Variants in CDCP1 observed in about 807,000 individuals in gnomAD.
The protein encoded by CDCP1 is CUB domain containing protein 1.
CDCP1 carries 29 observed loss-of-function variants against 60.2 expected under a neutral mutation model. The observed-to-expected ratio is 0.48, with a 90% CI of 0.36 to 0.66. CDCP1 has a LOEUF of 0.66. CDCP1 is among the 30% of genes least tolerant of loss of function. The probability of loss-of-function intolerance (pLI) is 0.00; values close to 1 mark genes in which losing one functional copy is unlikely to be tolerated. For missense variants in CDCP1, 876 were observed against 1,074.3 expected, an observed-to-expected ratio of 0.82 and a Z score of 2.58; for synonymous variants, 387 against 431.1, an observed-to-expected ratio of 0.90 and a Z score of 1.27.
chr3:45,129,352 G>C (rs1260257569), intron 1 of CDCP1, among the ~76,000 whole-genome samples: 1 of 152,160 alleles, frequency 6.6e-6, no homozygotes, highest in African/African-American at 2.4e-5. Context: ...ACACCGTATC[G>C]GTGAAGGAAT....
chr3:45,083,925 GAAAAAGAAAAAGAAA>G lies in CDCP1; in HGVS notation c.*1698_*1712del, dbSNP rs1698143892. The G allele has an allele frequency of 1.3e-5, 2 of 149,660 alleles. No individual in the cohort carries two copies. 9.3% of individuals were successfully genotyped at this position (149,660 alleles called of 1,614,324 possible). ...TCCTGTCTCACATTAAAAAAAAAAA[GAAAAAGAAAAAGAAA>G]AAAAAGAAAAAGGGTAATGTGAGCA... On this transcript the variant is annotated 3_prime_UTR_variant, in exon 9 of 9. Coordinates refer to ENST00000296129, the MANE Select transcript of CDCP1 (RefSeq NM_022842.5).
intron 5 of CDCP1, among the ~76,000 whole-genome samples, chr3:45,094,442 G>A (rs1698360783): frequency 2.0e-5 from 3 of 152,104 alleles, no homozygotes; most frequent in Non-Finnish European, 4.4e-5. Flanking sequence ...GGGCAGACAT[G>A]TTGGCAGACC....
At chr3:45,124,016 C>T (rs1576110218) in intron 1 of CDCP1, among the ~76,000 whole-genome samples, 2 of 152,306 alleles carry the variant, frequency 1.3e-5, no homozygotes, top group Admixed American at 1.3e-4. Flanking sequence ...CTCCTGCCTC[C>T]TGACCTCTCC....
intron 4 of CDCP1, chr3:45,110,097 T>G: frequency 1.7e-6 from 1 of 603,480 alleles, no homozygotes; most frequent in Non-Finnish European, 2.2e-6. Flanking sequence ...GTGTCCATAG[T>G]AGGGGTGCTG....
intron 4 of CDCP1, among the ~76,000 whole-genome samples, chr3:45,105,314 G>T (rs532347161): frequency 1.6e-4 from 25 of 152,168 alleles, no homozygotes; most frequent in Admixed American, 1.6e-3. Context: ...ACAAATTTAA[G>T]ACTCATGGAA....
chr3:45,138,620 G>A (rs1047138109), intron 1 of CDCP1, among the ~76,000 whole-genome samples: 23 of 152,168 alleles, frequency 1.5e-4, no homozygotes, highest in African/African-American at 4.3e-4. Flanking sequence ...AGGCCGAGGC[G>A]GGTGGATCAC....
intron 4 of CDCP1, among the ~76,000 whole-genome samples, chr3:45,098,808 T>C (rs973152166): frequency 2.6e-5 from 4 of 152,268 alleles, no homozygotes; most frequent in African/African-American, 9.6e-5. Flanking sequence ...CCTTTCTGCA[T>C]AAAATTTTGT....
At chr3:45,119,603 C>A (rs934719837) in intron 1 of CDCP1, among the ~76,000 whole-genome samples, 3 of 152,182 alleles carry the variant, frequency 2.0e-5, no homozygotes, top group African/African-American at 7.2e-5. Context: ...TGCTGGCACA[C>A]AAATGGTGCT....
intron 1 of CDCP1, among the ~76,000 whole-genome samples, chr3:45,122,308 T>C (rs1382588327): frequency 3.9e-5 from 6 of 152,020 alleles, no homozygotes; most frequent in Non-Finnish European, 8.8e-5. Context: ...CACGCTCAGC[T>C]AATTTTTGTA....
intron 1 of CDCP1, among the ~76,000 whole-genome samples, chr3:45,128,643 C>A (rs970875730): frequency 6.6e-6 from 1 of 152,224 alleles, no homozygotes; most frequent in Non-Finnish European, 1.5e-5. Flanking sequence ...TTTATACATT[C>A]ATTCACTCCC....
At chr3:45,114,415 T>TTC (rs1698750332) in intron 2 of CDCP1, among the ~76,000 whole-genome samples, 1 of 148,946 alleles carries the variant, frequency 6.7e-6, no homozygotes, top group African/African-American at 2.4e-5. Flanking sequence ...TTAACTCTCT[T>TTC]TTTTTTTTTT....
chr3:45,118,337 G>C (rs1698827436), intron 2 of CDCP1, 75 bp downstream of exon 2: 1 of 1,095,766 alleles, frequency 9.1e-7, no homozygotes, highest in Non-Finnish European at 1.4e-6. Flanking sequence ...GACTGACTTA[G>C]CATGGGAAAG....
chr3:45,096,839 T>G (rs941329195), intron 4 of CDCP1, among the ~76,000 whole-genome samples: 111 of 152,142 alleles, frequency 7.3e-4, no homozygotes, highest in African/African-American at 2.5e-3. Context: ...GTGACTGTGG[T>G]TACCCCAGAG....
At chr3:45,131,360 C>T (rs1021799075) in intron 1 of CDCP1, among the ~76,000 whole-genome samples, 3 of 152,154 alleles carry the variant, frequency 2.0e-5, no homozygotes, top group Admixed American at 2.0e-4. Context: ...AAGCATTAAG[C>T]ACATTCACAC....
chr3:45,142,761 C>G (rs934578531), intron 1 of CDCP1, among the ~76,000 whole-genome samples: 5 of 151,958 alleles, frequency 3.3e-5, no homozygotes, highest in Non-Finnish European at 1.5e-5. Context: ...CACGGAAATA[C>G]GCGTGCAAAG....
At chr3:45,126,734 T>C (rs539197646) in intron 1 of CDCP1, among the ~76,000 whole-genome samples, 73 of 152,204 alleles carry the variant, frequency 4.8e-4, no homozygotes, top group Non-Finnish European at 8.8e-4. Context: ...CCTGTCTAAA[T>C]AGTAACAACA....
chr3:45,117,692 G>A (rs1260327462), intron 2 of CDCP1, among the ~76,000 whole-genome samples: 1 of 151,670 alleles, frequency 6.6e-6, no homozygotes, highest in African/African-American at 2.4e-5. Flanking sequence ...TGCCTCCTGA[G>A]TTCAAGTGAT....
intron 1 of CDCP1, among the ~76,000 whole-genome samples, chr3:45,144,760 C>T (rs1699351200): frequency 1.3e-5 from 2 of 152,328 alleles, no homozygotes; most frequent in African/African-American, 4.8e-5. Flanking sequence ...TCTCAGCACA[C>T]ATATACACAT....
intron 1 of CDCP1, chr3:45,139,242 A>C (rs1559403085): frequency 6.6e-6 from 1 of 152,150 alleles, no homozygotes; most frequent in Non-Finnish European, 1.5e-5. Flanking sequence ...ATTCTCACTA[A>C]CTGAGGAATT....
Sources: allele counts gnomAD v4.1 joint callset (sites outside exome capture counted in the v4.1 genomes callset), GRCh38; gene constraint gnomAD v4.1.1; transcripts MANE v1.5; gene names NCBI Gene and HGNC (gene_info 2026-07-23, HGNC 2026-07-21).